The following ELOVL6 variants were observed in gnomAD, a reference collection of about 807,000 sequenced individuals.
ELOVL6 encodes the protein ELOVL fatty acid elongase 6, also known as very long chain fatty acid elongase 6.
In ELOVL6, 8 loss-of-function variants were observed where a neutral mutation model predicts 31.7. The ratio of observed to expected loss-of-function variants is 0.25; its 90% CI spans 0.15 to 0.45. The LOEUF (loss-of-function observed/expected upper bound fraction) is 0.45, where lower values mean the gene tolerates loss of function less well. Among genes scored for constraint, ELOVL6 ranks in the 20% least tolerant of loss-of-function variants. The pLI is 1.00. For synonymous variants in ELOVL6, 101 were observed against 117.7 expected, an observed-to-expected ratio of 0.86 and a Z score of 0.92; for missense variants, 126 against 326.4, an observed-to-expected ratio of 0.39 and a Z score of 4.73.
At chr4:110,122,071 G>T (rs907232027) in intron 1 of ELOVL6, among the ~76,000 whole-genome samples, 1 of 152,100 alleles carries the variant, frequency 6.6e-6, no homozygotes, top group African/African-American at 2.4e-5. Flanking sequence ...TTGTCTTTGT[G>T]TTTTCCCACT....
At chr4:110,108,456 C>T (rs1756946915) in intron 1 of ELOVL6, among the ~76,000 whole-genome samples, 1 of 152,172 alleles carries the variant, frequency 6.6e-6, no homozygotes, top group Admixed American at 6.5e-5. Context: ...AATCCTAATG[C>T]ACTGCTCACT....
At chr4:110,123,642 T>C (rs968482067) in intron 1 of ELOVL6, among the ~76,000 whole-genome samples, 3 of 152,254 alleles carry the variant, frequency 2.0e-5, no homozygotes, top group Admixed American at 6.5e-5. Flanking sequence ...AAGGTGGATG[T>C]GAGCCAAGAC....
chr4:110,095,354 C>T (rs557756938), intron 2 of ELOVL6, among the ~76,000 whole-genome samples: 4 of 151,960 alleles, frequency 2.6e-5, no homozygotes, highest in Non-Finnish European at 5.9e-5. Flanking sequence ...TGGTGGCACA[C>T]GCCTGTAATC....
chr4:110,087,765 A>AT (rs559600327), intron 2 of ELOVL6, among the ~76,000 whole-genome samples: 121 of 150,964 alleles, frequency 8.0e-4, no homozygotes, highest in Non-Finnish European at 1.4e-3. Context: ...TGAAGGAGTA[A>AT]TTTTTTTTAA....
intron 2 of ELOVL6, among the ~76,000 whole-genome samples, chr4:110,063,348 C>T (rs1026015062): frequency 3.3e-5 from 5 of 152,270 alleles, no homozygotes; most frequent in Non-Finnish European, 5.9e-5. Flanking sequence ...CAAGGAGGGA[C>T]ATCTCCTGCA....
At chr4:110,196,005 T>A (rs1404312974) in intron 1 of ELOVL6, among the ~76,000 whole-genome samples, 2 of 152,138 alleles carry the variant, frequency 1.3e-5, no homozygotes, top group African/African-American at 4.8e-5. Flanking sequence ...GTTGGCACAT[T>A]TTTGTCATTT....
intron 1 of ELOVL6, among the ~76,000 whole-genome samples, chr4:110,158,614 T>TAC (rs1256063559): frequency 7.2e-6 from 1 of 139,078 alleles, no homozygotes; most frequent in East Asian, 2.1e-4. Context: ...CACATATATA[T>TAC]ACACACACAT....
At chr4:110,105,285 G>C (rs1756854665) in intron 2 of ELOVL6, among the ~76,000 whole-genome samples, 1 of 152,176 alleles carries the variant, frequency 6.6e-6, no homozygotes, top group Non-Finnish European at 1.5e-5. Flanking sequence ...CAGGACAAGA[G>C]ATGGCCTGAC....
At chr4:110,119,890 T>C (rs1757293757) in intron 1 of ELOVL6, among the ~76,000 whole-genome samples, 1 of 152,216 alleles carries the variant, frequency 6.6e-6, no homozygotes, top group South Asian at 2.1e-4. Flanking sequence ...TCTCCTTTCT[T>C]TGCATGTCAG....
intron 1 of ELOVL6, among the ~76,000 whole-genome samples, chr4:110,182,361 G>A (rs1759301552): frequency 2.0e-5 from 3 of 152,116 alleles, no homozygotes; most frequent in Non-Finnish European, 4.4e-5. Flanking sequence ...GAGTAAGAAT[G>A]GGCAGTTCAA....
chr4:110,152,611 G>A (rs1040178808), intron 1 of ELOVL6, among the ~76,000 whole-genome samples: 2 of 152,198 alleles, frequency 1.3e-5, no homozygotes, highest in African/African-American at 4.8e-5. Flanking sequence ...TGGGAATCTT[G>A]TTGAAATGCA....
intron 2 of ELOVL6, among the ~76,000 whole-genome samples, chr4:110,063,447 G>T (rs989308177): frequency 6.6e-6 from 1 of 151,508 alleles, no homozygotes; most frequent in African/African-American, 2.4e-5. Context: ...GGTGGGCTCA[G>T]TCCCCCAGTT....
intron 3 of ELOVL6, among the ~76,000 whole-genome samples, chr4:110,057,108 C>T (rs1287881875): frequency 6.6e-6 from 1 of 152,120 alleles, no homozygotes; most frequent in Non-Finnish European, 1.5e-5. Flanking sequence ...ATAAATTATT[C>T]CTCCAAAAGG....
chr4:110,167,220 C>A (rs185934356), intron 1 of ELOVL6, among the ~76,000 whole-genome samples: 391 of 152,314 alleles, frequency 2.6e-3, no homozygotes, highest in South Asian at 1.0e-2. Flanking sequence ...GGAATAAAAA[C>A]TTTATCCCAT....
At chr4:110,142,432 C>T (rs997936693) in intron 1 of ELOVL6, among the ~76,000 whole-genome samples, 4 of 151,628 alleles carry the variant, frequency 2.6e-5, no homozygotes, top group Non-Finnish European at 2.9e-5. Context: ...AATCTCACTC[C>T]CTTTCTAAAA....
intron 2 of ELOVL6, among the ~76,000 whole-genome samples, chr4:110,063,779 A>T (rs1337712421): frequency 1.3e-5 from 2 of 151,940 alleles, no homozygotes; most frequent in Non-Finnish European, 2.9e-5. Context: ...AAAAGAAAAA[A>T]AGAAATATAC....
intron 2 of ELOVL6, among the ~76,000 whole-genome samples, chr4:110,079,447 C>T (rs62325303): frequency 0.05 from 7,649 of 151,976 alleles, 228 homozygotes; most frequent in Non-Finnish European, 0.075. Flanking sequence ...CACTCAAAAC[C>T]GCTCAACTAC....
chr4:110,106,016 GAA>G (rs1179815096), intron 1 of ELOVL6, among the ~76,000 whole-genome samples: 3 of 152,142 alleles, frequency 2.0e-5, no homozygotes, highest in Non-Finnish European at 4.4e-5. Context: ...GTTTTTATTG[GAA>G]CTATTTGGTG....
chr4:110,135,855 G>A (rs922254210), intron 1 of ELOVL6, among the ~76,000 whole-genome samples: 1 of 152,180 alleles, frequency 6.6e-6, no homozygotes, highest in Non-Finnish European at 1.5e-5. Flanking sequence ...AGAGAAGACT[G>A]ATCACAATTT....
Sources: gnomAD v4.1 joint callset for allele counts (sites outside exome capture counted in the v4.1 genomes callset) on GRCh38, gnomAD v4.1.1 for gene constraint, MANE v1.5 for transcripts, NCBI Gene and HGNC (gene_info 2026-07-23, HGNC 2026-07-21) for gene names.